DUSP16: variants seen among roughly 807,000 people sequenced by gnomAD.
DUSP16 encodes dual specificity protein phosphatase 16.
A neutral mutation model predicts 58.3 loss-of-function variants in DUSP16; 21 were observed. The ratio of observed to expected loss-of-function variants is 0.36; its 90% confidence interval spans 0.26 to 0.52. The LOEUF is 0.52. Among genes scored for constraint, DUSP16 ranks in the 20% least tolerant of loss-of-function variants. The pLI, the probability that DUSP16 is intolerant of heterozygous loss-of-function variation, is 0.94. For missense variants in DUSP16, 726 were observed against 819.0 expected (o/e 0.89, Z 1.39); for synonymous variants, 320 against 323.8 (o/e 0.99, Z 0.12).
intron 1 of DUSP16, among the ~76,000 whole-genome samples, chr12:12,523,636 T>C (rs1944264621): frequency 6.6e-6 from 1 of 152,234 alleles, no homozygotes. Context: ...ATCTCTATTT[T>C]CAACTGAAGG....
intron 3 of DUSP16, among the ~76,000 whole-genome samples, chr12:12,507,517 A>G (rs1181758175): frequency 3.9e-5 from 6 of 152,226 alleles, no homozygotes; most frequent in Non-Finnish European, 8.8e-5. Flanking sequence ...CATTTTCCTA[A>G]AAAGTCATAT....
In DUSP16 at chr12:12,562,730, G is replaced by A. The variant is rs1206251323; in HGVS notation, c.-979C>T. Among the ~76,000 whole-genome samples the A allele has an allele frequency of 6.6e-6, 1 of 151,512 alleles. No homozygotes were observed. Among genetic ancestry groups the A allele is most frequent in the Non-Finnish European group, 1.5e-5 (1 of 67,756 alleles). ...GGAAAGGAGGAGACAGGCGAGGGCA[G>A]GGCGGTGGGCGCCGGGCGGGGCCGC... On this transcript the variant is annotated 5_prime_UTR_variant, in exon 1 of 7. Transcript: ENST00000298573.
intron 1 of DUSP16, among the ~76,000 whole-genome samples, chr12:12,527,962 G>A (rs1337268665): frequency 6.6e-6 from 1 of 152,194 alleles, no homozygotes; most frequent in Non-Finnish European, 1.5e-5. Context: ...TATAATGCCT[G>A]CGCTTTTAGG....
chr12:12,476,378 G>A lies in DUSP16; in HGVS notation c.*455C>T, dbSNP rs1312532548. The A allele has an allele frequency of 2.6e-5, 4 of 155,420 alleles. No homozygotes were observed. Among genetic ancestry groups the A allele is most frequent in the African/African-American group, 9.6e-5 (4 of 41,452 alleles). 9.6% of individuals were successfully genotyped at this position (155,420 alleles called of 1,614,324 possible). ...TCATTTCTCTTGGATTTACCACTAG[G>A]CTCTGTCCCTAACAGGGTCTACCTA... On this transcript the variant is annotated 3_prime_UTR_variant, in exon 7 of 7. Coordinates refer to ENST00000298573, the MANE Select transcript of DUSP16 (RefSeq NM_030640.3).
chr12:12,484,397 A>G (rs1008030375), intron 5 of DUSP16, among the ~76,000 whole-genome samples: 30 of 152,216 alleles, frequency 2.0e-4, no homozygotes, highest in African/African-American at 5.5e-4. Context: ...GATGACCCCA[A>G]TATCTTCCAT....
chr12:12,520,242 A>G lies in DUSP16; in HGVS notation c.229-242T>C, dbSNP rs572130379. Among the ~76,000 whole-genome samples the G allele has an allele frequency of 5.9e-5, 9 of 152,334 alleles. No homozygotes were observed. In the South Asian group the frequency reaches 1.9e-3, roughly 32 times the overall value. Reference sequence around the variant, plus strand: ...GATTCCCTGGTTTTAAATCCTTTATACTATAAAATGGTAAAGTTCATAATA... The same window carrying G: ...GATTCCCTGGTTTTAAATCCTTTATGCTATAAAATGGTAAAGTTCATAATA... On this transcript the variant is annotated intron_variant, in intron 2 of 6. Transcript: ENST00000298573.
intron 5 of DUSP16, among the ~76,000 whole-genome samples, chr12:12,486,694 G>A (rs1943690042): frequency 6.6e-6 from 1 of 152,216 alleles, no homozygotes; most frequent in Non-Finnish European, 1.5e-5. Context: ...CCAAAGGCTT[G>A]TATAGGATTT....
At chr12:12,548,261 G>A (rs527461498) in intron 1 of DUSP16, among the ~76,000 whole-genome samples, 1 of 152,320 alleles carries the variant, frequency 6.6e-6, no homozygotes, top group African/African-American at 2.4e-5. Context: ...TTGAAAAGAT[G>A]CTGAACATCA....
Position 12,476,306 on chromosome 12 carries a change from C to T in DUSP16, c.*527G>A, listed in dbSNP as rs1224218021. 1 of 153,364 alleles carries T rather than the reference C, an allele frequency of 6.5e-6. No individual in the cohort carries two copies. The highest frequency in any genetic ancestry group is 1.5e-5 in the Non-Finnish European group (1 of 68,670). The allele number at this position is 153,364 out of a possible 1,614,324, so 9.5% of individuals were successfully genotyped here. ...GTCCAGCAGAGTGATGCTCGTGTCC[C>T]TCGGCTGTCAGGTGAGCGTGGGTTT... On this transcript the variant is annotated 3_prime_UTR_variant, in exon 7 of 7. Coordinates refer to ENST00000298573, the MANE Select transcript of DUSP16 (RefSeq NM_030640.3).
chr12:12,508,748 C>T (rs1026749876), intron 3 of DUSP16, among the ~76,000 whole-genome samples: 1 of 152,144 alleles, frequency 6.6e-6, no homozygotes, highest in African/African-American at 2.4e-5. Flanking sequence ...AACCCTATCA[C>T]GTGACACAGT....
At chr12:12,520,517 C>T (rs1485171289) in intron 2 of DUSP16, among the ~76,000 whole-genome samples, 1 of 152,132 alleles carries the variant, frequency 6.6e-6, no homozygotes, top group South Asian at 2.1e-4. Flanking sequence ...ATAAAAAGCA[C>T]CCCTAATAAT....
chr12:12,477,420 G>A lies in DUSP16; in HGVS notation c.1411C>T (p.Leu471=). The A allele has an allele frequency of 1.2e-6, 2 of 1,608,800 alleles. No individual in the cohort carries two copies. The highest frequency in any genetic ancestry group is 1.7e-6 in the Non-Finnish European group (2 of 1,177,052). The change falls in exon 7 of 7, where the codon CTG becomes TTG. Residue 471 remains leucine, a synonymous_variant. Transcript: ENST00000298573. The surrounding 1 kb of genome is among the most constrained non-coding windows in gnomAD (Gnocchi z 4.1). The part of the protein sequence containing the change: ...DKEEASIPKK[L]QTARPSDSQS... ...CTGTCTGAAGGCCTGGCGGTCTGCA[G>A]CTTCTTGGGGATGCTGGCTTCCTCC...
chr12:12,485,105 A>T (rs1465809884), intron 5 of DUSP16, among the ~76,000 whole-genome samples: 1 of 146,746 alleles, frequency 6.8e-6, no homozygotes, highest in Non-Finnish European at 1.5e-5. Flanking sequence ...CGCCTCCTGG[A>T]TTCAAGCAAT....
chr12:12,475,316 G>A lies in DUSP16; in HGVS notation c.*1517C>T, dbSNP rs965671481. 4 of 151,594 alleles carry A rather than the reference G, an allele frequency of 2.6e-5. No individual in the cohort carries two copies. The East Asian group carries it at 7.8e-4, about 29-fold the overall frequency. 9.4% of individuals were successfully genotyped at this position (151,594 alleles called of 1,614,324 possible). On this transcript the variant is annotated 3_prime_UTR_variant, in exon 7 of 7. Transcript: ENST00000298573. Reference sequence around the variant, plus strand: ...CTGATAAAACTCAAGCCAGGAGGATGTTTGAAAGCCAATCTGCACTATCAC... The same window carrying A: ...CTGATAAAACTCAAGCCAGGAGGATATTTGAAAGCCAATCTGCACTATCAC...
At chr12:12,513,043 T>C (rs1391655779) in intron 3 of DUSP16, among the ~76,000 whole-genome samples, 1 of 152,222 alleles carries the variant, frequency 6.6e-6, no homozygotes, top group Non-Finnish European at 1.5e-5. Context: ...GTCATCAGAA[T>C]CTAGATCCTT....
chr12:12,538,061 G>A (rs1190092836), intron 1 of DUSP16, among the ~76,000 whole-genome samples: 1 of 152,162 alleles, frequency 6.6e-6, no homozygotes, highest in South Asian at 2.1e-4. Context: ...TGATTCGTGG[G>A]TCTAGAGTGG....
At chr12:12,556,437 T>C (rs910049863) in intron 1 of DUSP16, among the ~76,000 whole-genome samples, 1 of 152,046 alleles carries the variant, frequency 6.6e-6, no homozygotes, top group Non-Finnish European at 1.5e-5. Flanking sequence ...CCGGGTGTGG[T>C]GGCATGCACC....
intron 1 of DUSP16, among the ~76,000 whole-genome samples, chr12:12,537,754 T>C (rs1413372600): frequency 6.6e-6 from 1 of 152,222 alleles, no homozygotes; most frequent in Non-Finnish European, 1.5e-5. Flanking sequence ...AAGTGTCACA[T>C]AAGCATCACT....
chr12:12,477,505 T>C lies in DUSP16; in HGVS notation c.1326A>G (p.Leu442=), dbSNP rs1943472978. The change falls in exon 7 of 7, where the codon CTA becomes CTG. Residue 442 remains leucine (L), a synonymous_variant. Transcript: ENST00000298573. The surrounding 1 kb of genome is among the most constrained non-coding windows in gnomAD (Gnocchi z 4.1). ...PSTTLDGTNK[L]CQFSPVQELS... is the part of the protein sequence containing the mutation. ...GTTCCTGAACAGGGGAGAACTGGCATAGCTTGTTGGTCCCATCCAGAGTAG... is the reference window on the plus strand; with the variant it reads ...GTTCCTGAACAGGGGAGAACTGGCACAGCTTGTTGGTCCCATCCAGAGTAG... The C allele has an allele frequency of 6.3e-7, 1 of 1,598,582 alleles. No homozygotes were observed. Among genetic ancestry groups the C allele is most frequent in the Non-Finnish European group, 8.5e-7 (1 of 1,170,764 alleles).
Sources: gnomAD v4.1 joint callset for allele counts (sites outside exome capture counted in the v4.1 genomes callset) on GRCh38, gnomAD v4.1.1 for gene constraint, Gnocchi (gnomAD v3.1) non-coding constraint, MANE v1.5 for transcripts, NCBI Gene and HGNC (gene_info 2026-07-23, HGNC 2026-07-21) for gene names.